EP400: variants seen among roughly 807,000 people sequenced by gnomAD.
EP400 encodes E1A-binding protein p400.
EP400 carries 105 observed loss-of-function variants against 354.1 expected under a neutral mutation model. The ratio of observed to expected loss-of-function variants is 0.30; its 90% confidence interval spans 0.25 to 0.35. The LOEUF is 0.35. EP400 is among the 10% of genes least tolerant of loss of function. The pLI is 1.00. For synonymous variants in EP400, 1,646 were observed against 1,716.9 expected (o/e 0.96, Z 1.02); for missense variants, 3,280 against 4,121.0 (o/e 0.80, Z 5.59).
intron 2 of EP400, 40 bp downstream of exon 2, chr12:131,961,994 AGAT>A (rs1314797451): frequency 1.3e-6 from 2 of 1,566,560 alleles, no homozygotes; most frequent in African/African-American, 2.7e-5. Context: ...CAAATCTTCT[AGAT>A]GATCAGAGTC....
intron 23 of EP400, 134 bp from the exon 24 acceptor site, chr12:132,023,643 T>A (rs1409717704): frequency 1.5e-6 from 1 of 677,674 alleles, no homozygotes; most frequent in African/African-American, 1.9e-5. Flanking sequence ...TAGAAAACAC[T>A]ACCTGATAAA....
intron 12 of EP400, among the ~76,000 whole-genome samples, chr12:132,004,191 TATC>T (rs1468711215): frequency 6.6e-6 from 1 of 152,236 alleles, no homozygotes; most frequent in African/African-American, 2.4e-5. Context: ...TTTATGCCAT[TATC>T]AGCAGCATGT....
intron 2 of EP400, 87 bp downstream of exon 2, chr12:131,962,041 G>A (rs1891902706): frequency 2.8e-6 from 4 of 1,430,660 alleles, no homozygotes; most frequent in Non-Finnish European, 3.7e-6. Context: ...AATTTATTGA[G>A]CCTGCGGTAT....
At chr12:131,998,520 T>C in intron 12 of EP400, among the ~76,000 whole-genome samples, 1 of 151,948 alleles carries the variant, frequency 6.6e-6, no homozygotes, top group East Asian at 1.9e-4. Flanking sequence ...TTTTAAAAGT[T>C]GTGCTAAATG....
chr12:132,072,638 C>T (rs1896099053), intron 51 of EP400, among the ~76,000 whole-genome samples: 1 of 152,170 alleles, frequency 6.6e-6, no homozygotes. Context: ...AGGATGGGTT[C>T]ACTTGTGAGA....
chr12:132,037,699 C>T lies in EP400; in HGVS notation c.5969C>T (p.Ser1990Phe). 1 of 1,614,126 alleles carries T rather than the reference C, an allele frequency of 6.2e-7. No individual in the cohort carries two copies. Among genetic ancestry groups the T allele is most frequent in the Non-Finnish European group, 8.5e-7 (1 of 1,180,004 alleles). The stretch of plus-strand genomic sequence containing the variant: ...GTTTGCAGGCTTGTGAGTGGCAATT[C>T]CATTGAAGAGAAATTGTTGAAAAAT... ...IHIYRLVSGN[S>F]IEEKLLKNGT... Residue 1990 changes from serine to phenylalanine, a missense_variant, in exon 31 of 53, where the codon TCC (serine) becomes TTC (phenylalanine). Coordinates refer to ENST00000389561, the MANE Select transcript of EP400 (RefSeq NM_015409.5).
intron 45 of EP400, among the ~76,000 whole-genome samples, chr12:132,056,617 A>G (rs1324460532): frequency 6.6e-6 from 1 of 152,224 alleles, no homozygotes; most frequent in African/African-American, 2.4e-5. Context: ...GCCTGCATGT[A>G]AAAGCAAAAA....
rs200061136 is a variant in EP400, at chr12:132,044,172, G to A, written c.6451-5G>A. 1.2e-4 allele frequency: 192 copies of A among 1,613,628 alleles called. No individual in the cohort carries two copies. The highest frequency in any genetic ancestry group is 1.6e-4 in the Non-Finnish European group (184 of 1,179,702). On this transcript the variant is annotated splice_polypyrimidine_tract_variant and splice_region_variant and intron_variant, in intron 34 of 52. Transcript: ENST00000389561. Reference sequence around the variant, plus strand: ...CCTGAAAGTTCTTGCTGCTCTCCCCGTCAGGACGCAGTGATGACTGCAGTG... The same window carrying A: ...CCTGAAAGTTCTTGCTGCTCTCCCCATCAGGACGCAGTGATGACTGCAGTG...
Position 131,972,923 on chromosome 12 carries a change from G to C in EP400, c.1336-6771G>C, listed in dbSNP as rs373529499. Reference sequence around the variant, plus strand: ...ATTTTTGTATTTTTAGTAGAGGCGGGATTTTACCATGTCGGCCAGGCTGGT... The same window carrying C: ...ATTTTTGTATTTTTAGTAGAGGCGGCATTTTACCATGTCGGCCAGGCTGGT... On this transcript the variant is annotated intron_variant, in intron 2 of 52. Coordinates refer to ENST00000389561, the MANE Select transcript of EP400 (RefSeq NM_015409.5). 2.0e-3 allele frequency among the ~76,000 whole-genome samples: 305 copies of C among 151,924 alleles called. 1 individual carries two copies. Among genetic ancestry groups the C allele is most frequent in the African/African-American group, 7.0e-3 (289 of 41,444 alleles).
intron 15 of EP400, among the ~76,000 whole-genome samples, chr12:132,007,193 C>T (rs1792615187): frequency 6.6e-6 from 1 of 152,256 alleles, no homozygotes; most frequent in South Asian, 2.1e-4. Context: ...ACTTCCCATG[C>T]TGCTTCTAGA....
intron 15 of EP400, 92 bp from the exon 16 acceptor site, chr12:132,011,406 A>G: frequency 2.0e-6 from 3 of 1,497,696 alleles, no homozygotes; most frequent in Admixed American, 4.0e-5. Flanking sequence ...ACACATACTC[A>G]TACTGATGAA....
chr12:132,014,814 G>A (rs554553682), intron 19 of EP400, among the ~76,000 whole-genome samples: 10 of 152,360 alleles, frequency 6.6e-5, no homozygotes, highest in Non-Finnish European at 1.3e-4. Flanking sequence ...ATGAGGTGCT[G>A]TGGCGGGAGC....
chr12:132,004,153 G>A (rs937486492), intron 12 of EP400, among the ~76,000 whole-genome samples: 6 of 152,146 alleles, frequency 3.9e-5, no homozygotes, highest in Non-Finnish European at 7.4e-5. Context: ...TCAGCTTTCC[G>A]TGTTGATTTC....
rs117607745 is a variant in EP400, at chr12:132,034,810, C to T, written c.5951+2661C>T. Among the ~76,000 whole-genome samples, 1,083 of 152,252 alleles carry T rather than the reference C, an allele frequency of 7.1e-3. 35 individuals carry two copies. The South Asian group carries it at 0.094, about 13-fold the overall frequency. On this transcript the variant is annotated intron_variant, in intron 30 of 52. Transcript: ENST00000389561. ...GAGGGATGAAGGACTTGAATGTTTT[C>T]GGTGGAGCAGCAGTGTTAGAACACT...
chr12:132,033,291 A>G (rs1593361746), intron 30 of EP400, among the ~76,000 whole-genome samples: 1 of 152,188 alleles, frequency 6.6e-6, no homozygotes, highest in African/African-American at 2.4e-5. Context: ...TCAAAACACA[A>G]TTGGGGGAAA....
chr12:132,055,315 A>G (rs1459132298), intron 45 of EP400, 107 bp downstream of exon 45: 6 of 944,026 alleles, frequency 6.4e-6, no homozygotes, highest in Non-Finnish European at 9.3e-6. Context: ...TTGGTGAAAA[A>G]CTGTCTAGTT....
At chr12:131,954,726 GAAAAAAA>G (rs35935376) in intron 1 of EP400, among the ~76,000 whole-genome samples, 3 of 83,736 alleles carry the variant, frequency 3.6e-5, no homozygotes, top group African/African-American at 1.5e-4. Flanking sequence ...CTCCATCTCA[GAAAAAAA>G]AAAAAAAAAA....
chr12:131,950,827 C>T (rs1300204124), intron 1 of EP400, among the ~76,000 whole-genome samples: 1 of 152,208 alleles, frequency 6.6e-6, no homozygotes, highest in East Asian at 1.9e-4. Flanking sequence ...GATGACGGCT[C>T]ACTAGAGCCT....
chr12:132,066,108 G>C (rs1215491342), intron 48 of EP400: 2 of 152,102 alleles, frequency 1.3e-5, no homozygotes, highest in Non-Finnish European at 2.9e-5. Context: ...GTGGTTTTTT[G>C]TAAAGAGAAG....
Sources: gnomAD v4.1 joint callset for allele counts (sites outside exome capture counted in the v4.1 genomes callset) on GRCh38, gnomAD v4.1.1 for gene constraint, MANE v1.5 for transcripts, NCBI Gene and HGNC (gene_info 2026-07-23, HGNC 2026-07-21) for gene names.